Variants in PCNX1 observed in about 807,000 individuals in gnomAD.
The protein encoded by PCNX1 is pecanex-like protein 1.
Under a neutral mutation model 242.2 loss-of-function variants are expected in PCNX1, and 78 were observed. The observed-to-expected ratio is 0.32, with a 90% CI of 0.27 to 0.39. PCNX1 has a LOEUF of 0.39. Ranked by LOEUF, PCNX1 falls within the 10% of genes least tolerant of loss-of-function variation. The pLI, the probability that PCNX1 is intolerant of heterozygous loss-of-function variation, is 1.00. For synonymous variants in PCNX1, 1,024 were observed against 1,032.9 expected, an observed-to-expected ratio of 0.99 and a Z score of 0.17; for missense variants, 2,581 against 2,856.5, an observed-to-expected ratio of 0.90 and a Z score of 2.20.
chr14:70,933,485 T>A (rs1489618369), intron 1 of PCNX1, among the ~76,000 whole-genome samples: 1 of 152,228 alleles, frequency 6.6e-6, no homozygotes, highest in African/African-American at 2.4e-5. Flanking sequence ...ATATGAAATT[T>A]GGATTTGTGT....
intron 30 of PCNX1, among the ~76,000 whole-genome samples, chr14:71,095,970 G>A (rs562555941): frequency 3.2e-4 from 49 of 152,234 alleles, no homozygotes; most frequent in African/African-American, 1.1e-3. Flanking sequence ...GAGCTCAGGT[G>A]TTTGAGGTCA....
chr14:71,083,127 A>G (rs534261742), intron 28 of PCNX1, among the ~76,000 whole-genome samples: 22 of 152,262 alleles, frequency 1.4e-4, no homozygotes, highest in African/African-American at 4.8e-4. Context: ...GTTTGGCTGG[A>G]TATGCAATTC....
At chr14:71,045,054 A>G (rs1219612362) in intron 19 of PCNX1, 79 bp from the exon 20 acceptor site, 56 of 1,031,152 alleles carry the variant, frequency 5.4e-5, no homozygotes, top group South Asian at 1.4e-4. Context: ...TCAGATGGAA[A>G]ATTGAACTGA....
At chr14:71,032,118 G>A (rs2060404124) in intron 16 of PCNX1, 2 of 584,620 alleles carry the variant, frequency 3.4e-6, no homozygotes, top group Middle Eastern at 4.8e-4. Flanking sequence ...GCTCAAGAGA[G>A]GGTCTCCCAG....
intron 33 of PCNX1, among the ~76,000 whole-genome samples, chr14:71,105,711 T>G (rs2062595728): frequency 6.6e-6 from 1 of 151,386 alleles, no homozygotes; most frequent in African/African-American, 2.4e-5. Flanking sequence ...CCGGCTATTT[T>G]TTTGCATTTT....
chr14:70,976,875 A>G (rs936612634), intron 5 of PCNX1, 67 bp from the exon 6 acceptor site: 1 of 1,355,510 alleles, frequency 7.4e-7, no homozygotes, highest in Non-Finnish European at 1.0e-6. Context: ...AATTCTTTCC[A>G]TTGTTAAACA....
chr14:70,918,865 G>A (rs12895177), intron 1 of PCNX1, among the ~76,000 whole-genome samples: 2 of 146,004 alleles, frequency 1.4e-5, no homozygotes, highest in African/African-American at 5.1e-5. Flanking sequence ...TGGAGTGTTC[G>A]TTTGTTGGTG....
rs957965104 is a variant in PCNX1 at position 71,109,973 on chromosome 14, C to T, written c.*38C>T. 5 of 1,593,704 alleles carry T rather than the reference C, an allele frequency of 3.1e-6. No homozygotes were observed. ...TATAAAGACATTTCTTTTTCCCTCT[C>T]AATTCCAAGGCATTGGAAAAAGAGA... On this transcript the variant is annotated 3_prime_UTR_variant, in exon 36 of 36. Transcript: ENST00000304743.
intron 32 of PCNX1, 79 bp from the exon 33 acceptor site, chr14:71,105,156 G>C: frequency 1.9e-5 from 20 of 1,073,550 alleles, no homozygotes; most frequent in Non-Finnish European, 2.8e-5. Context: ...TTGCAGTTCA[G>C]AATAGCTGGA....
intron 6 of PCNX1, among the ~76,000 whole-genome samples, chr14:70,982,389 T>G (rs557337312): frequency 1.3e-5 from 2 of 152,296 alleles, no homozygotes; most frequent in South Asian, 4.1e-4. Flanking sequence ...GAAGCTGTAA[T>G]AACTGTACAA....
At chr14:70,948,972 CTT>C (rs897509689) in intron 2 of PCNX1, among the ~76,000 whole-genome samples, 31 of 144,794 alleles carry the variant, frequency 2.1e-4, no homozygotes, top group African/African-American at 7.5e-4. Flanking sequence ...TGTATATACA[CTT>C]ATAAATGCTT....
chr14:71,024,905 T>G (rs1273906619), intron 13 of PCNX1, among the ~76,000 whole-genome samples: 1 of 152,200 alleles, frequency 6.6e-6, no homozygotes, highest in Non-Finnish European at 1.5e-5. Flanking sequence ...ACCATTACTC[T>G]ACTGTAATGT....
At chr14:71,049,849 C>T (rs1204541257) in intron 22 of PCNX1, among the ~76,000 whole-genome samples, 2 of 152,284 alleles carry the variant, frequency 1.3e-5, no homozygotes, top group Admixed American at 6.5e-5. Flanking sequence ...CAGAGGCAAT[C>T]TTGGACAAGT....
intron 26 of PCNX1, among the ~76,000 whole-genome samples, chr14:71,067,250 C>T (rs1035840923): frequency 1.3e-5 from 2 of 151,836 alleles, no homozygotes; most frequent in African/African-American, 4.8e-5. Context: ...CCTGGACTCT[C>T]TTTGGTTGGT....
In PCNX1 at chr14:71,008,794, G is replaced by A. The variant is rs952613048; in HGVS notation, c.2630-840G>A. On this transcript the variant is annotated intron_variant, in intron 8 of 35. Coordinates refer to ENST00000304743, the MANE Select transcript of PCNX1 (RefSeq NM_014982.3). ...GCAGAGTTGTATACCTCATTTCATTGCCTTCGTGGAAATTTATATTAATTA... is the reference window on the plus strand; with the variant it reads ...GCAGAGTTGTATACCTCATTTCATTACCTTCGTGGAAATTTATATTAATTA... 8.0e-5 allele frequency among the ~76,000 whole-genome samples: 12 copies of A among 150,452 alleles called. No homozygotes were observed. In the South Asian group the frequency reaches 1.5e-3, roughly 18 times the overall value.
At chr14:70,969,356 C>T (rs1483462079) in intron 5 of PCNX1, 2 of 401,320 alleles carry the variant, frequency 5.0e-6, no homozygotes, top group Middle Eastern at 7.0e-4. Context: ...GCATATGCCC[C>T]AGAGTGAATA....
At chr14:71,109,211 G>A (rs943109418) in intron 34 of PCNX1, among the ~76,000 whole-genome samples, 165 bp downstream of exon 34, 4 of 152,160 alleles carry the variant, frequency 2.6e-5, no homozygotes, top group African/African-American at 9.7e-5. Context: ...AAAACTGAAA[G>A]CAAACAGTTT....
chr14:71,006,726 G>C (rs2059678988), intron 8 of PCNX1, among the ~76,000 whole-genome samples: 1 of 152,104 alleles, frequency 6.6e-6, no homozygotes. Context: ...TAAACCAATA[G>C]TAATATATAT....
At chr14:70,988,861 T>C (rs1473660173) in intron 7 of PCNX1, among the ~76,000 whole-genome samples, 162 bp downstream of exon 7, 1 of 152,226 alleles carries the variant, frequency 6.6e-6, no homozygotes, top group Non-Finnish European at 1.5e-5. Context: ...CATGTGACCA[T>C]GAGCCTGTTG....
Sources: allele counts gnomAD v4.1 joint callset (sites outside exome capture counted in the v4.1 genomes callset), GRCh38; gene constraint gnomAD v4.1.1; transcripts MANE v1.5; gene names NCBI Gene and HGNC (gene_info 2026-07-23, HGNC 2026-07-21).